ZNF106: variants seen among roughly 807,000 people sequenced by gnomAD.
ZNF106 encodes the protein zinc finger protein 106.
Under a neutral mutation model 195.1 loss-of-function variants are expected in ZNF106, and 67 were observed. That is an observed-to-expected ratio of 0.34 (90% CI 0.28 to 0.42). ZNF106 has a LOEUF of 0.42. ZNF106 is among the 10% of genes least tolerant of loss of function. The pLI is 1.00. For synonymous variants in ZNF106, 784 were observed against 818.6 expected (o/e 0.96, Z 0.72); for missense variants, 2,118 against 2,304.5 (o/e 0.92, Z 1.66).
rs1233720074 is a variant in ZNF106, at chr15:42,448,277, T to C, written c.2930A>G (p.Asp977Gly). The change falls in exon 6 of 22, where the codon GAC becomes GGC. Residue 977 changes from aspartate (D) to glycine (G), a missense_variant. By Grantham distance (94) the Asp-to-Gly change is moderately conservative. Transcript: ENST00000564754. The part of the protein sequence containing the change: ...HIIPLMHLAK[D>G]LNSQERSIPP... ...TATAGACCTCTCCTGGCTGTTCAAG[T>C]CTTTTGCCAAATGCATCAAAGGTAT... 3.7e-6 allele frequency: 6 copies of C among 1,614,104 alleles called. No individual in the cohort carries two copies. The African/African-American group carries it at 5.3e-5, about 14-fold the overall frequency.
rs778984539 is a variant in ZNF106 at position 42,442,293 on chromosome 15, A to C, written c.3543T>G (p.Leu1181=). Residue 1181 remains leucine (L), a synonymous_variant, in exon 10 of 22, where the codon CTT becomes CTG. Coordinates refer to ENST00000564754, the MANE Select transcript of ZNF106 (RefSeq NM_001366845.3). ...AALLPTPFFP[L]FLEPPSSHVS... The stretch of plus-strand genomic sequence containing the variant: ...CATGGGAAGATGGAGGCTCCAGAAA[A>C]AGTGGGAAAAAGGGAGTGGGCAGCA... The C allele has an allele frequency of 6.2e-7, 1 of 1,614,168 alleles. No individual in the cohort carries two copies. Among genetic ancestry groups the C allele is most frequent in the South Asian group, 1.1e-5 (1 of 91,090 alleles).
At chr15:42,490,278 C>A (rs2141478836) in intron 1 of ZNF106, 1 of 151,256 alleles carries the variant, frequency 6.6e-6, no homozygotes, top group Middle Eastern at 3.4e-3. Flanking sequence ...TGGATATAAA[C>A]CATTATGGTG....
At chr15:42,488,971 G>A (rs976888996) in intron 1 of ZNF106, among the ~76,000 whole-genome samples, 4 of 151,114 alleles carry the variant, frequency 2.6e-5, no homozygotes, top group African/African-American at 7.3e-5. Context: ...CCAGCTACTC[G>A]GGAGGCTGAG....
At chr15:42,429,651 A>G (rs1183079302) in intron 14 of ZNF106, among the ~76,000 whole-genome samples, 1 of 152,016 alleles carries the variant, frequency 6.6e-6, no homozygotes, top group East Asian at 1.9e-4. Flanking sequence ...TCCCCTGAAA[A>G]AATCACAAAC....
chr15:42,434,353 C>T (rs2055188884), intron 14 of ZNF106, among the ~76,000 whole-genome samples: 2 of 152,110 alleles, frequency 1.3e-5, no homozygotes, highest in African/African-American at 2.4e-5. Context: ...ACAAAAAAAA[C>T]ACCTCTGGGA....
intron 9 of ZNF106, among the ~76,000 whole-genome samples, chr15:42,442,690 C>T (rs2055600192): frequency 6.7e-6 from 1 of 149,312 alleles, no homozygotes. Context: ...AAACACTGCT[C>T]ACTGCAGCCT....
chr15:42,487,165 AAAAT>A (rs1013537164), intron 1 of ZNF106, among the ~76,000 whole-genome samples: 4 of 151,852 alleles, frequency 2.6e-5, no homozygotes, highest in African/African-American at 7.3e-5. Context: ...AAAATAAAAT[AAAAT>A]AAAATAAAAA....
intron 1 of ZNF106, among the ~76,000 whole-genome samples, chr15:42,479,512 TTG>T (rs1310242365): frequency 6.6e-6 from 1 of 152,260 alleles, no homozygotes; most frequent in East Asian, 1.9e-4. Context: ...TCTGCAGTTG[TTG>T]TGTGGAAATC....
rs79404376 is a variant in ZNF106, at chr15:42,485,169, A to C, written c.-33+5811T>G. 9.7e-3 allele frequency among the ~76,000 whole-genome samples: 1,471 copies of C among 152,246 alleles called. 41 individuals carry two copies. Among genetic ancestry groups the C allele is most frequent in the East Asian group, 0.092 (479 of 5,180 alleles). On this transcript the variant is annotated intron_variant, in intron 1 of 21. Transcript: ENST00000564754. ...TACCTCAGAAAAACAACAACAACAA[A>C]AAAAATACTGTATGTTTATGTTAAA...
chr15:42,463,847 T>C (rs1371645333), intron 3 of ZNF106, among the ~76,000 whole-genome samples: 5 of 152,016 alleles, frequency 3.3e-5, no homozygotes, highest in Admixed American at 6.6e-5. Flanking sequence ...CATACTAAAA[T>C]TGAGTGAGTG....
chr15:42,422,386 G>T (rs2054696726), intron 18 of ZNF106, 115 bp downstream of exon 18: 2 of 1,343,396 alleles, frequency 1.5e-6, no homozygotes, highest in Non-Finnish European at 2.0e-6. Flanking sequence ...TAGAATGCTT[G>T]TGAAAATACA....
intron 15 of ZNF106, 35 bp from the exon 16 acceptor site, chr15:42,425,060 C>T: frequency 6.2e-7 from 1 of 1,601,746 alleles, no homozygotes. Context: ...CTAAAACCAA[C>T]TTAGCTGGAA....
chr15:42,479,795 T>G (rs560407660), intron 1 of ZNF106, among the ~76,000 whole-genome samples: 2 of 152,140 alleles, frequency 1.3e-5, no homozygotes, highest in Admixed American at 1.3e-4. Flanking sequence ...TGAGCTGAGA[T>G]AGCGCCACTT....
At chr15:42,440,451 T>TTTG (rs2055455620) in intron 10 of ZNF106, among the ~76,000 whole-genome samples, 1 of 152,198 alleles carries the variant, frequency 6.6e-6, no homozygotes, top group Non-Finnish European at 1.5e-5. Context: ...CAACTTGTAA[T>TTTG]ATAAAATACT....
intron 1 of ZNF106, among the ~76,000 whole-genome samples, chr15:42,480,019 G>C (rs1281673746): frequency 6.6e-6 from 1 of 152,008 alleles, no homozygotes; most frequent in African/African-American, 2.4e-5. Context: ...CTGGGCTAAT[G>C]GTCTTATTTT....
chr15:42,442,127 C>G lies in ZNF106; in HGVS notation c.3709G>C (p.Ala1237Pro). Residue 1237 changes from alanine (A) to proline (P), a missense_variant, in exon 10 of 22, where the codon GCT becomes CCT. Coordinates refer to ENST00000564754, the MANE Select transcript of ZNF106 (RefSeq NM_001366845.3). ...TTGCAGGCAGAGCTTGGTGGCACAGCATTCACATTCTCATCTTGTTCAGGA... is the reference window on the plus strand; with the variant it reads ...TTGCAGGCAGAGCTTGGTGGCACAGGATTCACATTCTCATCTTGTTCAGGA... The part of the protein sequence containing the change: ...MSPEQDENVN[A>P]VPPSSACNVS... The G allele has an allele frequency of 1.2e-6, 2 of 1,614,150 alleles. No homozygotes were observed. The highest frequency in any genetic ancestry group is 1.7e-6 in the Non-Finnish European group (2 of 1,180,016).
chr15:42,453,337 G>T (rs924294391), intron 4 of ZNF106, among the ~76,000 whole-genome samples: 1 of 152,172 alleles, frequency 6.6e-6, no homozygotes, highest in African/African-American at 2.4e-5. Context: ...AGAAACTACA[G>T]CTGTTTCATG....
rs1041253295 is a variant in ZNF106 at position 42,440,875 on chromosome 15, C to G, written c.3764-1062G>C. Among the ~76,000 whole-genome samples, 4 of 146,408 alleles carry G rather than the reference C, an allele frequency of 2.7e-5. No homozygotes were observed. In the Admixed American group the frequency reaches 2.8e-4, roughly 10 times the overall value. On this transcript the variant is annotated intron_variant, in intron 10 of 21. Coordinates refer to ENST00000564754, the MANE Select transcript of ZNF106 (RefSeq NM_001366845.3). ...GTGGGCGCCTGTAATCCCAGCTATTCGGGAGGCTGAGACAGGACAATCACT... is the reference window on the plus strand; with the variant it reads ...GTGGGCGCCTGTAATCCCAGCTATTGGGGAGGCTGAGACAGGACAATCACT...
At chr15:42,423,567 A>G (rs1188864995) in intron 17 of ZNF106, among the ~76,000 whole-genome samples, 2 of 151,888 alleles carry the variant, frequency 1.3e-5, no homozygotes, top group African/African-American at 2.4e-5. Context: ...TTTTTAAGAG[A>G]TGGGGCCACT....
Sources: gnomAD v4.1 joint callset for allele counts (sites outside exome capture counted in the v4.1 genomes callset) on GRCh38, gnomAD v4.1.1 for gene constraint, MANE v1.5 for transcripts, NCBI Gene and HGNC (gene_info 2026-07-23, HGNC 2026-07-21) for gene names.